Variants in FARS2 observed in about 807,000 individuals in gnomAD.
The protein encoded by FARS2 is phenylalanine--tRNA ligase, mitochondrial.
In FARS2, 40 loss-of-function variants were observed where a neutral mutation model predicts 46.4. The ratio of observed to expected loss-of-function variants is 0.86; its 90% CI spans 0.67 to 1.12. The LOEUF (loss-of-function observed/expected upper bound fraction) is 1.12. Among genes scored for constraint, FARS2 ranks in the 50% most tolerant of loss-of-function variants. The probability of loss-of-function intolerance (pLI) is 0.00; values close to 1 mark genes in which losing one functional copy is unlikely to be tolerated. For missense variants in FARS2, 513 were observed against 567.9 expected (o/e 0.90, Z 0.98); for synonymous variants, 234 against 214.9 (o/e 1.09, Z -0.78).
intron 1 of FARS2, among the ~76,000 whole-genome samples, chr6:5,299,774 A>G (rs1327439000): frequency 6.7e-6 from 1 of 149,190 alleles, no homozygotes; most frequent in East Asian, 2.0e-4. Context: ...TATGAGTGAG[A>G]ACATGCGGTG....
intron 6 of FARS2, among the ~76,000 whole-genome samples, chr6:5,734,790 G>A (rs1760848282): frequency 1.3e-5 from 2 of 152,122 alleles, no homozygotes; most frequent in South Asian, 4.1e-4. Context: ...ATAGATGGTT[G>A]TTTGATTTGT....
At chr6:5,415,008 C>T (rs1473145989) in intron 3 of FARS2, among the ~76,000 whole-genome samples, 1 of 151,346 alleles carries the variant, frequency 6.6e-6, no homozygotes, top group Non-Finnish European at 1.5e-5. Context: ...TAGTAGAGAC[C>T]GGGTTTCACC....
intron 5 of FARS2, among the ~76,000 whole-genome samples, chr6:5,547,810 G>T (rs113920836): frequency 1.3e-3 from 192 of 152,312 alleles, no homozygotes; most frequent in African/African-American, 4.2e-3. Context: ...TAGCTCTTCT[G>T]CCTACTCACG....
chr6:5,466,979 T>C, intron 4 of FARS2: 1 of 985,384 alleles, frequency 1.0e-6, no homozygotes, highest in South Asian at 4.7e-5. Context: ...GCACATATTC[T>C]TCAGTTCGTG....
chr6:5,349,205 C>T (rs1757420308), intron 1 of FARS2, among the ~76,000 whole-genome samples: 1 of 151,926 alleles, frequency 6.6e-6, no homozygotes, highest in African/African-American at 2.4e-5. Context: ...ATGTGGAAAC[C>T]AAAATTCCAA....
chr6:5,344,769 C>T (rs1484215268), intron 1 of FARS2, among the ~76,000 whole-genome samples: 1 of 151,384 alleles, frequency 6.6e-6, no homozygotes, highest in Non-Finnish European at 1.5e-5. Context: ...CACAGTGCCT[C>T]GTTTTCTCTT....
At chr6:5,260,753 A>G, upstream of FARS2, 1 of 1,541,988 alleles carries the variant, frequency 6.5e-7, no homozygotes, top group Non-Finnish European at 8.7e-7. Context: ...AAAAAAAAAT[A>G]AACGGGTCCT....
intron 5 of FARS2, among the ~76,000 whole-genome samples, chr6:5,585,612 T>G (rs1156990066): frequency 6.6e-6 from 1 of 152,172 alleles, no homozygotes; most frequent in Middle Eastern, 3.4e-3. Flanking sequence ...GCGTAATGTC[T>G]TCCAAGTTCA....
At chr6:5,316,610 C>G (rs947022549) in intron 1 of FARS2, among the ~76,000 whole-genome samples, 1 of 152,132 alleles carries the variant, frequency 6.6e-6, no homozygotes, top group African/African-American at 2.4e-5. Flanking sequence ...CTAGTGGGAA[C>G]AGATAAGCTG....
intron 4 of FARS2, among the ~76,000 whole-genome samples, chr6:5,444,381 C>T (rs996263706): frequency 8.3e-5 from 12 of 144,510 alleles, no homozygotes; most frequent in South Asian, 4.4e-4. Context: ...GCAGGAGAAT[C>T]GCTTGAATCC....
At chr6:5,550,561 G>A (rs1771312854) in intron 5 of FARS2, among the ~76,000 whole-genome samples, 1 of 152,208 alleles carries the variant, frequency 6.6e-6, no homozygotes, top group South Asian at 2.1e-4. Flanking sequence ...GAGCCACTGT[G>A]CCTTACCTCC....
At chr6:5,341,986 A>G (rs1329680402) in intron 1 of FARS2, among the ~76,000 whole-genome samples, 2 of 152,244 alleles carry the variant, frequency 1.3e-5, no homozygotes, top group Non-Finnish European at 2.9e-5. Context: ...GTTTCTTTGT[A>G]AGGATCTGAG....
intron 6 of FARS2, among the ~76,000 whole-genome samples, chr6:5,721,601 G>A (rs559519195): frequency 9.9e-5 from 15 of 152,172 alleles, no homozygotes; most frequent in Admixed American, 5.2e-4. Context: ...TCTTTTAAGC[G>A]TCGACACATT....
At chr6:5,636,325 C>T (rs576105360) in intron 6 of FARS2, among the ~76,000 whole-genome samples, 22 of 152,170 alleles carry the variant, frequency 1.4e-4, no homozygotes, top group Non-Finnish European at 3.1e-4. Flanking sequence ...AGTGTACGGT[C>T]GCTGTCTGGG....
chr6:5,410,556 G>A (rs1761888502), intron 3 of FARS2, among the ~76,000 whole-genome samples: 1 of 152,064 alleles, frequency 6.6e-6, no homozygotes, highest in South Asian at 2.1e-4. Flanking sequence ...AATTTTGCTA[G>A]CTTCTGAAAA....
At chr6:5,555,967 C>G (rs1188162845) in intron 5 of FARS2, among the ~76,000 whole-genome samples, 1 of 152,040 alleles carries the variant, frequency 6.6e-6, no homozygotes, top group East Asian at 1.9e-4. Flanking sequence ...ATAACAGAGC[C>G]TGTCACATTG....
intron 1 of FARS2, among the ~76,000 whole-genome samples, chr6:5,272,972 C>T (rs1766069840): frequency 6.6e-6 from 1 of 152,168 alleles, no homozygotes; most frequent in Admixed American, 6.6e-5. Flanking sequence ...CATGTTGCTG[C>T]AAATGGCAGA....
chr6:5,362,455 C>T (rs991831017), intron 1 of FARS2, among the ~76,000 whole-genome samples: 1 of 152,162 alleles, frequency 6.6e-6, no homozygotes, highest in Non-Finnish European at 1.5e-5. Context: ...ATACATACAT[C>T]ACATTTTCTT....
intron 6 of FARS2, among the ~76,000 whole-genome samples, chr6:5,729,883 C>A (rs1478752255): frequency 6.6e-6 from 1 of 152,190 alleles, no homozygotes; most frequent in Admixed American, 6.5e-5. Context: ...CCAGATTATT[C>A]TTTATCATGG....
Sources: allele counts gnomAD v4.1 joint callset (sites outside exome capture counted in the v4.1 genomes callset), GRCh38; gene constraint gnomAD v4.1.1; transcripts MANE v1.5; gene names NCBI Gene and HGNC (gene_info 2026-07-23, HGNC 2026-07-21).